The following WNK1 variants were observed in gnomAD, a reference collection of about 807,000 sequenced individuals.
WNK1 encodes WNK lysine deficient protein kinase 1, also known as serine/threonine-protein kinase WNK1.
Under a neutral mutation model 222.8 loss-of-function variants are expected in WNK1, and 38 were observed. That is an observed-to-expected ratio of 0.17 (90% CI 0.13 to 0.22). WNK1 has a LOEUF of 0.22. WNK1 is among the 10% of genes least tolerant of loss of function. The pLI, the probability that WNK1 is intolerant of heterozygous loss-of-function variation, is 1.00. For missense variants in WNK1, 2,348 were observed against 2,918.4 expected (o/e 0.80, Z 4.50); for synonymous variants, 1,090 against 1,092.9 (o/e 1.00, Z 0.05).
chr12:865,763 T>G (rs1176032658), intron 8 of WNK1, among the ~76,000 whole-genome samples: 2 of 152,172 alleles, frequency 1.3e-5, no homozygotes, highest in Non-Finnish European at 2.9e-5. Flanking sequence ...CCTCACTTTA[T>G]TCTAAGGAGA....
chr12:892,475 G>A (rs1241550065), intron 22 of WNK1, among the ~76,000 whole-genome samples: 5 of 152,140 alleles, frequency 3.3e-5, no homozygotes, highest in Non-Finnish European at 7.3e-5. Flanking sequence ...AAGTTTAATA[G>A]AGGTGTTAAG....
rs778613425 is a variant in WNK1 at position 883,397 on chromosome 12, G to A, written c.3492G>A (p.Val1164=). Residue 1164 remains valine (V), a splice_region_variant and synonymous_variant, in exon 16 of 28, where the codon GTG becomes GTA. Transcript: ENST00000315939. ...DNPEEIATIM[V]NNDFILAIER... is the part of the protein sequence containing the mutation. ...CTGACATCACATTTCTTTTACAGGT[G>A]AACAATGACTTTATTCTAGCAATAG... The A allele has an allele frequency of 3.7e-6, 6 of 1,614,132 alleles. No individual in the cohort carries two copies. Among genetic ancestry groups the A allele is most frequent in the African/African-American group, 1.3e-5 (1 of 75,056 alleles).
intron 22 of WNK1, among the ~76,000 whole-genome samples, chr12:892,323 A>G (rs1360563202): frequency 1.3e-5 from 2 of 152,110 alleles, no homozygotes; most frequent in Non-Finnish European, 2.9e-5. Context: ...TCTAGACCAT[A>G]TAGTCTCTTG....
At position 842,394 on chromosome 12, in the gene WNK1, G is replaced by A. The variant is rs115418413; in HGVS notation, c.1311+12234G>A. Among the ~76,000 whole-genome samples, 504 of 152,314 alleles carry A rather than the reference G, an allele frequency of 3.3e-3. 3 individuals carry two copies. The highest frequency in any genetic ancestry group is 0.011 in the African/African-American group (470 of 41,572). ...AGGTAGAAAGGCTATCCCAGGACTA[G>A]AAAGGCTCTTCTGTAGGTTCTCAAA... On this transcript the variant is annotated intron_variant, in intron 4 of 27. Coordinates refer to ENST00000315939, the MANE Select transcript of WNK1 (RefSeq NM_018979.4).
In WNK1 at chr12:884,703, C is replaced by T. The variant is rs143361850; in HGVS notation, c.3899C>T (p.Ser1300Phe). ...PGMNLSHSAS[S>F]LSLQQAFSEL... ...ATGAACTTGTCTCACTCTGCATCAT[C>T]CCTTAGTCTACAACAGGCCTTTTCT... is the stretch of plus-strand genomic sequence containing the variant. Residue 1300 changes from serine to phenylalanine, a missense_variant, in exon 19 of 28, where the codon TCC becomes TTC. By Grantham distance (155) the Ser-to-Phe change is radical. Transcript: ENST00000315939. The surrounding 1 kb of genome is among the most constrained non-coding windows in gnomAD (Gnocchi z 5.6). The T allele has an allele frequency of 3.0e-5, 48 of 1,614,204 alleles. No individual in the cohort carries two copies. Among genetic ancestry groups the T allele is most frequent in the Admixed American group, 5.0e-5 (3 of 60,026 alleles).
At position 868,239 on chromosome 12, in the gene WNK1, C is replaced by T. The variant is rs920832006; in HGVS notation, c.2140-3026C>T. Reference sequence around the variant, plus strand: ...GACTATAGACCTGGACTAGTACTTCCAGAAGAAGCTCACTATTTTATTCCT... The same window carrying T: ...GACTATAGACCTGGACTAGTACTTCTAGAAGAAGCTCACTATTTTATTCCT... On this transcript the variant is annotated intron_variant, in intron 8 of 27. Coordinates refer to ENST00000315939, the MANE Select transcript of WNK1 (RefSeq NM_018979.4). The T allele has an allele frequency of 6.9e-6, 11 of 1,604,646 alleles. No individual in the cohort carries two copies. The highest frequency in any genetic ancestry group is 9.4e-6 in the Non-Finnish European group (11 of 1,175,074).
intron 1 of WNK1, among the ~76,000 whole-genome samples, chr12:767,751 C>CTTA (rs1941949196): frequency 6.6e-6 from 1 of 152,102 alleles, no homozygotes; most frequent in Non-Finnish European, 1.5e-5. Context: ...TAATAGTAAA[C>CTTA]TTAAAATGGA....
At chr12:886,684 T>C (rs1953694352) in intron 19 of WNK1, among the ~76,000 whole-genome samples, 1 of 152,226 alleles carries the variant, frequency 6.6e-6, no homozygotes, top group African/African-American at 2.4e-5. Context: ...TATTGTATGC[T>C]TCAGCCTCTT....
At position 754,137 on chromosome 12, in the gene WNK1, A is replaced by G; in HGVS notation, c.572A>G (p.Lys191Arg). ...AGTGGCAGCGGCGGCGGCAGCGCCA[A>G]GGAGCCACAGGAGGAACGGAGCCAG... ...ARSGSGGGSA[K>R]EPQEERSQQQ... Residue 191 changes from lysine to arginine, a missense_variant, in exon 1 of 28, where the codon AAG becomes AGG. Coordinates refer to ENST00000315939, the MANE Select transcript of WNK1 (RefSeq NM_018979.4). 1.2e-6 allele frequency: 2 copies of G among 1,612,482 alleles called. No individual in the cohort carries two copies. The highest frequency in any genetic ancestry group is 8.5e-7 in the Non-Finnish European group (1 of 1,179,978).
chr12:830,268 G>T, intron 4 of WNK1, 108 bp downstream of exon 4: 1 of 1,286,864 alleles, frequency 7.8e-7, no homozygotes. Flanking sequence ...AAGGCATACT[G>T]AGTGAACTGT....
intron 4 of WNK1, among the ~76,000 whole-genome samples, chr12:854,761 T>C (rs1180796344): frequency 6.6e-6 from 1 of 152,196 alleles, no homozygotes; most frequent in Admixed American, 6.5e-5. Context: ...GGGGAGTTGG[T>C]TCCAGGACCC....
intron 1 of WNK1, among the ~76,000 whole-genome samples, chr12:775,992 T>C (rs1943039945): frequency 2.0e-5 from 3 of 152,172 alleles, no homozygotes; most frequent in Admixed American, 2.0e-4. Context: ...AACTTTATGA[T>C]TACCTTGTAG....
intron 22 of WNK1, among the ~76,000 whole-genome samples, chr12:892,200 A>G (rs12308317): frequency 3.6e-3 from 546 of 152,052 alleles, no homozygotes; most frequent in African/African-American, 0.013. Flanking sequence ...AGCATTAGGT[A>G]TATCTCCTAA....
chr12:868,557 C>T (rs760371987), intron 8 of WNK1: 8 of 1,613,894 alleles, frequency 5.0e-6, no homozygotes, highest in Non-Finnish European at 6.8e-6. Context: ...AAATTTCACC[C>T]TGTCTTTGTT....
Position 908,861 on chromosome 12 carries a change from G to GGTGCA in WNK1, c.*69_*70insGTGCA. Reference sequence around the variant, plus strand: ...ATGCTGAGGGGGTGGGTGGGGGTGGGAAGTAGCCTATATACTAACTACTAG... The same window carrying GGTGCA: ...ATGCTGAGGGGGTGGGTGGGGGTGGGGTGCAAAGTAGCCTATATACTAACTACTAG... On this transcript the variant is annotated 3_prime_UTR_variant, in exon 28 of 28. Coordinates refer to ENST00000315939, the MANE Select transcript of WNK1 (RefSeq NM_018979.4). 1 of 491,846 alleles carries GGTGCA rather than the reference G, an allele frequency of 2.0e-6. No homozygotes were observed. Among genetic ancestry groups the GGTGCA allele is most frequent in the Middle Eastern group, 3.8e-4 (1 of 2,646 alleles). 30.5% of individuals were successfully genotyped at this position (491,846 alleles called of 1,614,324 possible).
intron 3 of WNK1, among the ~76,000 whole-genome samples, chr12:828,477 G>A (rs1243156103): frequency 6.6e-6 from 1 of 151,936 alleles, no homozygotes; most frequent in Non-Finnish European, 1.5e-5. Context: ...TTTGGGGTTG[G>A]ACAATTCTTT....
At chr12:851,835 G>T in intron 4 of WNK1, 1 of 1,239,574 alleles carries the variant, frequency 8.1e-7, no homozygotes, top group Non-Finnish European at 1.0e-6. Context: ...CCTTTTTGGT[G>T]ATATTGGTAG....
At position 911,013 on chromosome 12, in the gene WNK1, T is replaced by G; in HGVS notation, c.*2221T>G. ...ATACCAGAGGAGCAGTGGAGCCTCA[T>G]GCAGCACATTATCATTTGTTATTTG... is the stretch of plus-strand genomic sequence containing the variant. On this transcript the variant is annotated 3_prime_UTR_variant, in exon 28 of 28. Transcript: ENST00000315939. The G allele has an allele frequency of 3.4e-6, 1 of 290,416 alleles. No individual in the cohort carries two copies. The highest frequency in any genetic ancestry group is 9.2e-4 in the Middle Eastern group (1 of 1,092). 18.0% of individuals were successfully genotyped at this position (290,416 alleles called of 1,614,324 possible).
chr12:761,805 G>A lies in WNK1; in HGVS notation c.759+7481G>A, dbSNP rs1266793759. 2.0e-5 allele frequency among the ~76,000 whole-genome samples: 3 copies of A among 146,980 alleles called. 1 individual carries two copies. The highest frequency in any genetic ancestry group is 4.6e-5 in the Non-Finnish European group (3 of 65,898). On this transcript the variant is annotated intron_variant, in intron 1 of 27. Coordinates refer to ENST00000315939, the MANE Select transcript of WNK1 (RefSeq NM_018979.4). ...AGATTATTGTGGATTAAGGTAAATC[G>A]GGAAATGCAACAGATTTATCTCTTT... is the stretch of plus-strand genomic sequence containing the variant.
Sources: allele counts gnomAD v4.1 joint callset (sites outside exome capture counted in the v4.1 genomes callset), GRCh38; gene constraint gnomAD v4.1.1; non-coding constraint Gnocchi (gnomAD v3.1); transcripts MANE v1.5; gene names NCBI Gene and HGNC (gene_info 2026-07-23, HGNC 2026-07-21).